The following GTF3C1 variants were observed in gnomAD, a reference collection of about 807,000 sequenced individuals.
GTF3C1 encodes the protein general transcription factor IIIC subunit 1.
In GTF3C1, 57 loss-of-function variants were observed where a neutral mutation model predicts 226.7. The observed-to-expected ratio is 0.25, with a 90% CI of 0.20 to 0.31. The LOEUF (loss-of-function observed/expected upper bound fraction) is 0.31. Among genes scored for constraint, GTF3C1 ranks in the 10% least tolerant of loss-of-function variants. The pLI, the probability that GTF3C1 is intolerant of heterozygous loss-of-function variation, is 1.00. For missense variants in GTF3C1, 2,217 were observed against 2,776.1 expected (o/e 0.80, Z 4.53); for synonymous variants, 1,090 against 1,084.8 (o/e 1.00, Z -0.09).
chr16:27,499,126 G>C (rs1223634280), intron 12 of GTF3C1, among the ~76,000 whole-genome samples: 1 of 152,246 alleles, frequency 6.6e-6, no homozygotes, highest in East Asian at 1.9e-4. Flanking sequence ...AGTCCTGAGG[G>C]CTTCCATCTG....
At position 27,461,268 on chromosome 16, in the gene GTF3C1, G is replaced by C; in HGVS notation, c.*82C>G. ...AGGAGGCTCGGCAGACCCAAGGCCA[G>C]GGCACAGTGGGGTCTGCCGAGCACC... On this transcript the variant is annotated 3_prime_UTR_variant, in exon 37 of 37. Transcript: ENST00000356183. This position sits in a 1 kb window ranked among gnomAD's most constrained non-coding sequence, Gnocchi z 5.3. The C allele has an allele frequency of 1.1e-6, 1 of 871,012 alleles. No homozygotes were observed. Among genetic ancestry groups the C allele is most frequent in the Non-Finnish European group, 1.8e-6 (1 of 559,828 alleles). 54.0% of individuals were successfully genotyped at this position (871,012 alleles called of 1,614,324 possible).
rs139970466 is a variant in GTF3C1, at chr16:27,465,328, G to A, written c.5287C>T (p.Arg1763Cys). The change falls in exon 33 of 37, where the codon CGC becomes TGC. Residue 1763 changes from arginine (R) to cysteine (C), a missense_variant. Physicochemically the swap from Arg to Cys is radical, Grantham distance 180. Around this residue, in one of 12 missense-constraint regions of GTF3C1, gnomAD observed 455 missense variants for 441.9 expected, o/e 1.03. Coordinates refer to ENST00000356183, the MANE Select transcript of GTF3C1 (RefSeq NM_001520.4). ...TTCTCCAAGGCCGAGAACCGTCTGC[G>A]CAGCTCCTCCTTGTCAATCCCAAAA... Reference protein sequence around the residue: ...GCFGIDKEELRRRFSALEKAG... With the variant: ...GCFGIDKEELCRRFSALEKAG... 4.1e-4 allele frequency: 656 copies of A among 1,614,078 alleles called. 5 individuals carry two copies. The African/African-American group carries it at 6.5e-3, about 16-fold the overall frequency.
chr16:27,493,031 T>C (rs964212637), intron 17 of GTF3C1, among the ~76,000 whole-genome samples, 168 bp downstream of exon 17: 3 of 152,218 alleles, frequency 2.0e-5, no homozygotes, highest in African/African-American at 7.2e-5. Context: ...AGTAATAAAA[T>C]ATACCAGCCC....
chr16:27,469,204 G>A lies in GTF3C1; in HGVS notation c.5074+87C>T. 1 of 1,354,060 alleles carries A rather than the reference G, an allele frequency of 7.4e-7. No homozygotes were observed. The highest frequency in any genetic ancestry group is 9.9e-7 in the Non-Finnish European group (1 of 1,007,840). The allele number at this position is 1,354,060 out of a possible 1,614,324, so 83.9% of individuals were successfully genotyped here. A position where few individuals can be genotyped will look rare whatever the true frequency, so the allele number is the denominator to read the frequency against. ...GCTGCACGCCTGGCCTGGGGAGCCTGAAGGTCTAGGTCCCAGGCCAGGCCT... is the reference window on the plus strand; with the variant it reads ...GCTGCACGCCTGGCCTGGGGAGCCTAAAGGTCTAGGTCCCAGGCCAGGCCT... On this transcript the variant is annotated intron_variant, in intron 32 of 36. Transcript: ENST00000356183. The surrounding 1 kb of genome is among the most constrained non-coding windows in gnomAD (Gnocchi z 4.5).
chr16:27,492,130 C>T lies in GTF3C1; in HGVS notation c.3151+208G>A, dbSNP rs948156912. ...ACAAAGTGCAGCTACTTGGGCTCAA[C>T]TGAGTGGGGGAACCGGAAGCACCCC... On this transcript the variant is annotated intron_variant, in intron 19 of 36. Coordinates refer to ENST00000356183, the MANE Select transcript of GTF3C1 (RefSeq NM_001520.4). This position sits in a 1 kb window ranked among gnomAD's most constrained non-coding sequence, Gnocchi z 5.0. 3.3e-5 allele frequency among the ~76,000 whole-genome samples: 5 copies of T among 152,216 alleles called. No individual in the cohort carries two copies. The highest frequency in any genetic ancestry group is 1.5e-5 in the Non-Finnish European group (1 of 68,042).
intron 29 of GTF3C1, among the ~76,000 whole-genome samples, chr16:27,472,612 A>AC (rs1324629295): frequency 1.3e-5 from 2 of 152,178 alleles, no homozygotes; most frequent in African/African-American, 4.8e-5. Flanking sequence ...CTCTGGCCTC[A>AC]CGTCCCCCAA....
chr16:27,504,038 C>T (rs1343076444), intron 10 of GTF3C1, among the ~76,000 whole-genome samples: 3 of 152,212 alleles, frequency 2.0e-5, no homozygotes, highest in African/African-American at 7.2e-5. Flanking sequence ...TTTCGTTCAC[C>T]TTCGTGCTTC....
chr16:27,491,155 T>C (rs1264959480), intron 19 of GTF3C1, among the ~76,000 whole-genome samples: 1 of 152,224 alleles, frequency 6.6e-6, no homozygotes, highest in African/African-American at 2.4e-5. Context: ...GTGCTATTAC[T>C]CTTGGCATTA....
chr16:27,486,747 C>T (rs1030690497), intron 23 of GTF3C1, among the ~76,000 whole-genome samples: 1 of 152,230 alleles, frequency 6.6e-6, no homozygotes, highest in Non-Finnish European at 1.5e-5. Context: ...TAAACAGCAC[C>T]ACCACCACCA....
intron 13 of GTF3C1, among the ~76,000 whole-genome samples, 159 bp downstream of exon 13, chr16:27,498,471 T>C (rs2088355032): frequency 1.3e-5 from 2 of 152,096 alleles, no homozygotes; most frequent in South Asian, 4.2e-4. Flanking sequence ...ATCCTGAAAT[T>C]GGTCCTTATT....
chr16:27,508,079 G>A lies in GTF3C1; in HGVS notation c.1242+461C>T, dbSNP rs112235271. Among the ~76,000 whole-genome samples, 1,113 of 152,352 alleles carry A rather than the reference G, an allele frequency of 7.3e-3. 15 individuals carry two copies. Among genetic ancestry groups the A allele is most frequent in the African/African-American group, 0.026 (1,073 of 41,578 alleles). On this transcript the variant is annotated intron_variant, in intron 8 of 36. Coordinates refer to ENST00000356183, the MANE Select transcript of GTF3C1 (RefSeq NM_001520.4). ...GGTTGGAGCGCAGTGGCGCCATCTC[G>A]GCTCACTGCAACCTCTGCCTCCTGG...
At chr16:27,479,982 C>T (rs1184980632) in intron 27 of GTF3C1, among the ~76,000 whole-genome samples, 3 of 152,092 alleles carry the variant, frequency 2.0e-5, no homozygotes, top group East Asian at 3.9e-4. Flanking sequence ...GGGCAGATCA[C>T]GAGGTCAGGA....
intron 33 of GTF3C1, 92 bp from the exon 34 acceptor site, chr16:27,464,928 G>T: frequency 1.8e-6 from 2 of 1,124,940 alleles, no homozygotes; most frequent in Non-Finnish European, 2.4e-6. Context: ...CCCCTGACTG[G>T]CGGGTTGAGT....
intron 21 of GTF3C1, 120 bp downstream of exon 21, chr16:27,488,923 G>A: frequency 7.6e-6 from 7 of 916,706 alleles, no homozygotes; most frequent in Non-Finnish European, 1.1e-5. Flanking sequence ...CATTTAAGGG[G>A]CCTGACGCAC....
intron 10 of GTF3C1, among the ~76,000 whole-genome samples, chr16:27,504,791 T>C (rs999844638): frequency 1.3e-5 from 2 of 152,084 alleles, no homozygotes; most frequent in Admixed American, 6.5e-5. Context: ...GGCATATGCT[T>C]GCAGAAGAGG....
chr16:27,469,691 T>C lies in GTF3C1; in HGVS notation c.4815-141A>G. The C allele has an allele frequency of 4.5e-6, 4 of 893,126 alleles. No individual in the cohort carries two copies. The highest frequency in any genetic ancestry group is 6.9e-6 in the Non-Finnish European group (4 of 577,090). 55.3% of individuals were successfully genotyped at this position (893,126 alleles called of 1,614,324 possible). On this transcript the variant is annotated intron_variant, in intron 31 of 36. Transcript: ENST00000356183. This position sits in a 1 kb window ranked among gnomAD's most constrained non-coding sequence, Gnocchi z 4.5. ...GGCTATGCTTCATTACCAAGGCTGG[T>C]GTGGATGGCTGCCCCAGATCCATCC...
In GTF3C1 at chr16:27,463,943, C is replaced by G; in HGVS notation, c.5873-351G>C. 2.4e-6 allele frequency: 1 copy of G among 423,016 alleles called. No homozygotes were observed. Among genetic ancestry groups the G allele is most frequent in the Non-Finnish European group, 4.2e-6 (1 of 239,894 alleles). The allele number at this position is 423,016 out of a possible 1,614,324, so 26.2% of individuals were successfully genotyped here. A position where few individuals can be genotyped will look rare whatever the true frequency, so the allele number is the denominator to read the frequency against. Reference sequence around the variant, plus strand: ...AAGAAAACAAAAACGCCCAGAGAAGCCACATGAGAAGGCCGCTGCTGATGA... The same window carrying G: ...AAGAAAACAAAAACGCCCAGAGAAGGCACATGAGAAGGCCGCTGCTGATGA... On this transcript the variant is annotated intron_variant, in intron 34 of 36. Transcript: ENST00000356183. The surrounding 1 kb of genome is among the most constrained non-coding windows in gnomAD (Gnocchi z 4.9).
intron 9 of GTF3C1, 36 bp from the exon 10 acceptor site, chr16:27,506,152 G>C: frequency 8.4e-7 from 1 of 1,189,374 alleles, no homozygotes; most frequent in Non-Finnish European, 1.2e-6. Flanking sequence ...AAATCAAGGG[G>C]GAGGCCAGGA....
Position 27,492,773 on chromosome 16 carries a change from G to A in GTF3C1, c.2877-60C>T, listed in dbSNP as rs2088252578. The A allele has an allele frequency of 6.4e-6, 6 of 935,130 alleles. No homozygotes were observed. Among genetic ancestry groups the A allele is most frequent in the South Asian group, 1.3e-5 (1 of 77,634 alleles). 57.9% of individuals were successfully genotyped at this position (935,130 alleles called of 1,614,324 possible). On this transcript the variant is annotated intron_variant, in intron 17 of 36. Coordinates refer to ENST00000356183, the MANE Select transcript of GTF3C1 (RefSeq NM_001520.4). The surrounding 1 kb of genome is among the most constrained non-coding windows in gnomAD (Gnocchi z 5.0). ...ACCACACTCGCAGCCGGCCGCAGGG[G>A]TCTGCATGTGGGGTGAGGGGTGCGA...
Sources: allele counts gnomAD v4.1 joint callset (sites outside exome capture counted in the v4.1 genomes callset), GRCh38; gene constraint gnomAD v4.1.1; regional missense constraint gnomAD v4.1.1; non-coding constraint Gnocchi (gnomAD v3.1); transcripts MANE v1.5; gene names NCBI Gene and HGNC (gene_info 2026-07-23, HGNC 2026-07-21).